The following PCOLCE2 variants were observed in gnomAD, a reference collection of about 807,000 sequenced individuals.
The protein encoded by PCOLCE2 is procollagen C-proteinase enhancer 2.
In PCOLCE2, 42 loss-of-function variants were observed where a neutral mutation model predicts 47.0. The observed-to-expected ratio is 0.89, with a 90% CI of 0.70 to 1.16. The LOEUF is 1.16. PCOLCE2 is among the 50% of genes most tolerant of loss of function. The pLI is 0.00. For missense variants in PCOLCE2, 500 were observed against 526.1 expected, an observed-to-expected ratio of 0.95 and a Z score of 0.49; for synonymous variants, 169 against 191.7, an observed-to-expected ratio of 0.88 and a Z score of 0.98.
intron 2 of PCOLCE2, among the ~76,000 whole-genome samples, chr3:142,850,690 A>G (rs1452277727): frequency 1.3e-5 from 2 of 152,234 alleles, no homozygotes; most frequent in Non-Finnish European, 2.9e-5. Flanking sequence ...TGGTGGCACC[A>G]TGGGGAGAAA....
At chr3:142,876,997 C>T (rs1393303141) in intron 2 of PCOLCE2, among the ~76,000 whole-genome samples, 1 of 152,176 alleles carries the variant, frequency 6.6e-6, no homozygotes, top group Non-Finnish European at 1.5e-5. Flanking sequence ...AGAAATTACA[C>T]TCTTAGAAAA....
chr3:142,838,703 G>A (rs1208671731), intron 5 of PCOLCE2, 67 bp downstream of exon 5: 1 of 1,380,102 alleles, frequency 7.2e-7, no homozygotes, highest in Non-Finnish European at 1.0e-6. Context: ...AAATGTGATT[G>A]GGAAACTGAA....
In PCOLCE2 at chr3:142,865,747, T is replaced by C. The variant is rs117688177; in HGVS notation, c.193-17275A>G. ...TATTATGTAGTCAGCAGGCTCATTATATAAATATGTCAACAAAATCAATGT... is the reference window on the plus strand; with the variant it reads ...TATTATGTAGTCAGCAGGCTCATTACATAAATATGTCAACAAAATCAATGT... On this transcript the variant is annotated intron_variant, in intron 2 of 8. Transcript: ENST00000295992. Among the ~76,000 whole-genome samples, 258 of 152,342 alleles carry C rather than the reference T, an allele frequency of 1.7e-3. 6 individuals carry two copies. The East Asian group carries it at 0.047, about 28-fold the overall frequency.
chr3:142,888,960 A>C lies in PCOLCE2; in HGVS notation c.-64T>G. 5 of 570,392 alleles carry C rather than the reference A, an allele frequency of 8.8e-6. No individual in the cohort carries two copies. The highest frequency in any genetic ancestry group is 1.3e-5 in the Non-Finnish European group (5 of 374,266). 35.3% of individuals were successfully genotyped at this position (570,392 alleles called of 1,614,324 possible). On this transcript the variant is annotated 5_prime_UTR_variant, in exon 1 of 9. Coordinates refer to ENST00000295992, the MANE Select transcript of PCOLCE2 (RefSeq NM_013363.4). ...CGCGCCGGCACACACGCCCCTCCGCACCCACCGCGCTCACACCGCCGCTCA... is the reference window on the plus strand; with the variant it reads ...CGCGCCGGCACACACGCCCCTCCGCCCCCACCGCGCTCACACCGCCGCTCA...
intron 2 of PCOLCE2, among the ~76,000 whole-genome samples, chr3:142,879,754 G>C (rs1261608437): frequency 2.0e-5 from 3 of 152,120 alleles, no homozygotes; most frequent in Non-Finnish European, 4.4e-5. Flanking sequence ...CGGATCACGA[G>C]GTCAGGAGAT....
intron 2 of PCOLCE2, among the ~76,000 whole-genome samples, chr3:142,859,582 G>C (rs369060822): frequency 2.0e-5 from 3 of 148,784 alleles, no homozygotes; most frequent in Admixed American, 6.7e-5. Flanking sequence ...TTTTTGAGAC[G>C]AAGTCTCTCT....
At chr3:142,868,852 C>A (rs2108206973) in intron 2 of PCOLCE2, among the ~76,000 whole-genome samples, 2 of 152,254 alleles carry the variant, frequency 1.3e-5, no homozygotes, top group South Asian at 4.1e-4. Context: ...AAGTAACTTG[C>A]CTTGCTGAGA....
Position 142,888,967 on chromosome 3 carries a change from G to A in PCOLCE2, c.-71C>T. On this transcript the variant is annotated 5_prime_UTR_variant, in exon 1 of 9. Coordinates refer to ENST00000295992, the MANE Select transcript of PCOLCE2 (RefSeq NM_013363.4). ...GCACACACGCCCCTCCGCACCCACC[G>A]CGCTCACACCGCCGCTCACACTGGC... 2.1e-6 allele frequency: 1 copy of A among 483,114 alleles called. No individual in the cohort carries two copies. The highest frequency in any genetic ancestry group is 3.8e-5 in the East Asian group (1 of 26,378). The allele number at this position is 483,114 out of a possible 1,614,324, so 29.9% of individuals were successfully genotyped here. A position where few individuals can be genotyped will look rare whatever the true frequency, so the allele number is the denominator to read the frequency against.
chr3:142,832,103 T>A (rs562578284), intron 5 of PCOLCE2, among the ~76,000 whole-genome samples: 32 of 152,364 alleles, frequency 2.1e-4, no homozygotes, highest in South Asian at 4.1e-4. Context: ...CTAGTTATCA[T>A]TCCATAGTCT....
At chr3:142,888,573 G>T in intron 1 of PCOLCE2, 1 of 403,730 alleles carries the variant, frequency 2.5e-6, no homozygotes, top group Admixed American at 4.5e-5. Flanking sequence ...CAAGCCAGCT[G>T]CAGGGCCATC....
intron 5 of PCOLCE2, among the ~76,000 whole-genome samples, chr3:142,837,835 G>C (rs950419087): frequency 2.6e-5 from 4 of 152,328 alleles, no homozygotes; most frequent in African/African-American, 7.2e-5. Flanking sequence ...TTAAGTGGCA[G>C]AACTCTTGGC....
chr3:142,834,801 T>TA (rs1454533777), intron 5 of PCOLCE2, among the ~76,000 whole-genome samples: 2 of 152,190 alleles, frequency 1.3e-5, no homozygotes, highest in Admixed American at 1.3e-4. Flanking sequence ...GTACTGTCCT[T>TA]ACCTTGTTTT....
intron 5 of PCOLCE2, among the ~76,000 whole-genome samples, chr3:142,835,345 C>CTATA (rs1466024665): frequency 6.6e-6 from 1 of 152,142 alleles, no homozygotes; most frequent in African/African-American, 2.4e-5. Context: ...GCAACTATTT[C>CTATA]TGGTAATGCT....
chr3:142,874,353 C>T (rs963563075), intron 2 of PCOLCE2, among the ~76,000 whole-genome samples: 3 of 152,130 alleles, frequency 2.0e-5, no homozygotes, highest in Admixed American at 1.3e-4. Context: ...GGATTAAAGG[C>T]GTGAGCCACC....
At chr3:142,866,246 G>A (rs779745647) in intron 2 of PCOLCE2, among the ~76,000 whole-genome samples, 1 of 152,138 alleles carries the variant, frequency 6.6e-6, no homozygotes, top group Non-Finnish European at 1.5e-5. Flanking sequence ...ACAAAAAGGT[G>A]GAGGAAGGGC....
rs1937378125 is a variant in PCOLCE2 at position 142,850,532 on chromosome 3, G to A, written c.193-2060C>T. ...AACAAGTAGGAGGCAACCAAAGTGT[G>A]TGGCGTCTGGAAGCCAGGCGAAGAG... On this transcript the variant is annotated intron_variant, in intron 2 of 8. Transcript: ENST00000295992. 2.6e-5 allele frequency among the ~76,000 whole-genome samples: 4 copies of A among 152,154 alleles called. No individual in the cohort carries two copies. The South Asian group carries it at 8.3e-4, about 32-fold the overall frequency.
At chr3:142,848,928 C>T (rs891907254) in intron 2 of PCOLCE2, among the ~76,000 whole-genome samples, 14 of 151,994 alleles carry the variant, frequency 9.2e-5, no homozygotes, top group African/African-American at 3.4e-4. Flanking sequence ...CCGAGGTGGG[C>T]GGATCACAAG....
At chr3:142,875,321 C>A (rs1252666736) in intron 2 of PCOLCE2, among the ~76,000 whole-genome samples, 2 of 152,130 alleles carry the variant, frequency 1.3e-5, no homozygotes, top group Non-Finnish European at 2.9e-5. Flanking sequence ...GGGAGCAACT[C>A]CAGGCGACAT....
chr3:142,871,512 T>C (rs1435531449), intron 2 of PCOLCE2, among the ~76,000 whole-genome samples: 1 of 152,274 alleles, frequency 6.6e-6, no homozygotes, highest in Non-Finnish European at 1.5e-5. Flanking sequence ...TAGGTGTTGC[T>C]GTGAAGGTGT....
Sources: gnomAD v4.1 joint callset for allele counts (sites outside exome capture counted in the v4.1 genomes callset) on GRCh38, gnomAD v4.1.1 for gene constraint, MANE v1.5 for transcripts, NCBI Gene and HGNC (gene_info 2026-07-23, HGNC 2026-07-21) for gene names.